TYW1: variants seen among roughly 807,000 people sequenced by gnomAD.
The protein encoded by TYW1 is tRNA-yW synthesizing protein 1 homolog.
Under a neutral mutation model 96.2 loss-of-function variants are expected in TYW1, and 46 were observed. The observed-to-expected ratio is 0.48, with a 90% CI of 0.38 to 0.61. The LOEUF is 0.61. Among genes scored for constraint, TYW1 ranks in the 20% least tolerant of loss-of-function variants. The probability of loss-of-function intolerance (pLI) is 0.00; values close to 1 mark genes in which losing one functional copy is unlikely to be tolerated. For synonymous variants in TYW1, 274 were observed against 323.0 expected (o/e 0.85, Z 1.63); for missense variants, 684 against 909.6 (o/e 0.75, Z 3.19).
chr7:67,103,144 A>G (rs1304050089), intron 12 of TYW1, among the ~76,000 whole-genome samples: 2 of 152,226 alleles, frequency 1.3e-5, no homozygotes, highest in African/African-American at 4.8e-5. Flanking sequence ...TGAAATACCT[A>G]TCTAGAAAGA....
At chr7:67,133,879 A>G (rs1798164900) in intron 13 of TYW1, among the ~76,000 whole-genome samples, 1 of 151,284 alleles carries the variant, frequency 6.6e-6, no homozygotes, top group Non-Finnish European at 1.5e-5. Flanking sequence ...CTATGTTGAT[A>G]TGGTTTGTTT....
At chr7:67,002,037 CAAAA>C (rs71526592) in intron 3 of TYW1, among the ~76,000 whole-genome samples, 1 of 131,134 alleles carries the variant, frequency 7.6e-6, no homozygotes, top group Admixed American at 7.9e-5. Flanking sequence ...CTGTCTCAAA[CAAAA>C]AAAAAAAAGG....
At chr7:67,115,171 C>T (rs970249436) in intron 12 of TYW1, among the ~76,000 whole-genome samples, 12 of 151,032 alleles carry the variant, frequency 7.9e-5, no homozygotes, top group African/African-American at 2.9e-4. Flanking sequence ...CATTTTGCAT[C>T]AGGAAGCTTT....
chr7:67,067,057 G>C, intron 9 of TYW1: 1 of 545,336 alleles, frequency 1.8e-6, no homozygotes, highest in East Asian at 3.2e-5. Context: ...TCCCTGTAGA[G>C]TTTTCAGAGT....
At chr7:66,999,836 G>A (rs999003113) in intron 3 of TYW1, among the ~76,000 whole-genome samples, 4 of 152,174 alleles carry the variant, frequency 2.6e-5, no homozygotes, top group Non-Finnish European at 5.9e-5. Context: ...GCTTATCTGT[G>A]AAATGGTAAA....
intron 15 of TYW1, among the ~76,000 whole-genome samples, chr7:67,234,491 A>AC (rs1801826332): frequency 6.6e-6 from 1 of 152,192 alleles, no homozygotes; most frequent in Non-Finnish European, 1.5e-5. Flanking sequence ...GAGAGCCCTC[A>AC]CCAGAAACTG....
rs189958231 is a variant in TYW1 at position 67,161,776 on chromosome 7, C to T, written c.1699-21350C>T. On this transcript the variant is annotated intron_variant, in intron 13 of 15. Transcript: ENST00000359626. ...ATGTTAGTATAATAAGTGTGGTCTA[C>T]TCTTCTTTCTGGGCTCATCTTCCTA... Among the ~76,000 whole-genome samples, 131 of 152,242 alleles carry T rather than the reference C, an allele frequency of 8.6e-4. 1 individual carries two copies. The highest frequency in any genetic ancestry group is 3.2e-3 in the African/African-American group (131 of 41,538).
At chr7:66,999,783 C>CG in intron 3 of TYW1, among the ~76,000 whole-genome samples, 1 of 152,146 alleles carries the variant, frequency 6.6e-6, no homozygotes, top group East Asian at 1.9e-4. Flanking sequence ...CTCTTTTTTG[C>CG]GGGGGAACAG....
rs1239968323 is a variant in TYW1 at position 66,996,943 on chromosome 7, G to A, written c.-36G>A. The A allele has an allele frequency of 6.2e-7, 1 of 1,614,040 alleles. No homozygotes were observed. The highest frequency in any genetic ancestry group is 1.7e-5 in the Admixed American group (1 of 59,992). On this transcript the variant is annotated 5_prime_UTR_variant, in exon 1 of 16. Transcript: ENST00000359626. ...CAGTGCGAATCATCGGGCTATCCAGGTCCGAGATCCTAGTCTCCTGTCGGC... is the reference window on the plus strand; with the variant it reads ...CAGTGCGAATCATCGGGCTATCCAGATCCGAGATCCTAGTCTCCTGTCGGC...
At chr7:67,005,208 ATT>A (rs1355433427) in intron 3 of TYW1, among the ~76,000 whole-genome samples, 5 of 152,012 alleles carry the variant, frequency 3.3e-5, no homozygotes, top group Non-Finnish European at 7.4e-5. Flanking sequence ...TTTTTCTTTC[ATT>A]TCGACTGGAG....
At chr7:67,229,623 A>G (rs2116441991) in intron 15 of TYW1, among the ~76,000 whole-genome samples, 1 of 151,340 alleles carries the variant, frequency 6.6e-6, no homozygotes, top group African/African-American at 2.4e-5. Context: ...GATATTGCAC[A>G]CAAATAAGGG....
chr7:67,210,314 A>G (rs552984861), intron 15 of TYW1, among the ~76,000 whole-genome samples: 63 of 152,278 alleles, frequency 4.1e-4, no homozygotes, highest in African/African-American at 1.5e-3. Flanking sequence ...GTGAAGTGCC[A>G]TTTTCATCAC....
rs1407310388 is a variant in TYW1 at position 67,195,371 on chromosome 7, C to T, written c.1977+34C>T. On this transcript the variant is annotated intron_variant, in intron 15 of 15. Coordinates refer to ENST00000359626, the MANE Select transcript of TYW1 (RefSeq NM_018264.4). ...AACTCAAACATGGATTCTTCTGTTC[C>T]CCGACCCTGCTGTTCTTTCCTTCTC... 3.1e-6 allele frequency: 5 copies of T among 1,608,280 alleles called. No individual in the cohort carries two copies. The African/African-American group carries it at 4.0e-5, about 13-fold the overall frequency.
At chr7:67,027,384 ATT>A (rs1562972207) in intron 7 of TYW1, among the ~76,000 whole-genome samples, 14 of 151,958 alleles carry the variant, frequency 9.2e-5, no homozygotes, top group African/African-American at 3.1e-4. Flanking sequence ...AATAAAAAAA[ATT>A]AAATTTATGA....
Position 67,087,345 on chromosome 7 carries a change from C to T in TYW1, c.1384+3806C>T, listed in dbSNP as rs943357985. 8.5e-5 allele frequency among the ~76,000 whole-genome samples: 13 copies of T among 152,184 alleles called. No individual in the cohort carries two copies. The South Asian group carries it at 1.5e-3, about 17-fold the overall frequency. ...TCAGCAGGCATCTCAAATGGTTTGTCTATGGGTTCTTATGATGTGAGGAAA... is the reference window on the plus strand; with the variant it reads ...TCAGCAGGCATCTCAAATGGTTTGTTTATGGGTTCTTATGATGTGAGGAAA... On this transcript the variant is annotated intron_variant, in intron 11 of 15. Coordinates refer to ENST00000359626, the MANE Select transcript of TYW1 (RefSeq NM_018264.4).
intron 11 of TYW1, among the ~76,000 whole-genome samples, chr7:67,094,875 C>T (rs1182082631): frequency 6.6e-6 from 1 of 152,098 alleles, no homozygotes; most frequent in Non-Finnish European, 1.5e-5. Context: ...ATCTGAATCC[C>T]TAGCGCTTCC....
chr7:67,226,630 T>C (rs1801567883), intron 15 of TYW1, among the ~76,000 whole-genome samples: 2 of 152,146 alleles, frequency 1.3e-5, no homozygotes, highest in African/African-American at 4.8e-5. Flanking sequence ...CCGATTTGAG[T>C]AATCATAAAA....
intron 13 of TYW1, among the ~76,000 whole-genome samples, chr7:67,169,686 A>G (rs1206620724): frequency 1.3e-5 from 2 of 152,230 alleles, no homozygotes; most frequent in Admixed American, 1.3e-4. Flanking sequence ...GGCGTGAGCC[A>G]CTGCTCCCAG....
chr7:67,225,190 CAAAAAAAAAAAA>C (rs10600752), intron 15 of TYW1, among the ~76,000 whole-genome samples: 11 of 78,080 alleles, frequency 1.4e-4, no homozygotes, highest in African/African-American at 4.3e-4. Context: ...GACTCCGTCT[CAAAAAAAAAAAA>C]AAAAAAAAAA....
Sources: gnomAD v4.1 joint callset for allele counts (sites outside exome capture counted in the v4.1 genomes callset) on GRCh38, gnomAD v4.1.1 for gene constraint, MANE v1.5 for transcripts, NCBI Gene and HGNC (gene_info 2026-07-23, HGNC 2026-07-21) for gene names.